The following DPYSL5 variants were observed in gnomAD, a reference collection of about 807,000 sequenced individuals.
DPYSL5 encodes the protein dihydropyrimidinase-related protein 5.
Under a neutral mutation model 58.4 loss-of-function variants are expected in DPYSL5, and 9 were observed. That is an observed-to-expected ratio of 0.15 (90% CI 0.09 to 0.27). The LOEUF (loss-of-function observed/expected upper bound fraction) is 0.27, where lower values mean the gene tolerates loss of function less well. Ranked by LOEUF, DPYSL5 falls within the 10% of genes least tolerant of loss-of-function variation. The pLI is 1.00. For synonymous variants in DPYSL5, 293 were observed against 301.9 expected, an observed-to-expected ratio of 0.97 and a Z score of 0.31; for missense variants, 499 against 770.6, an observed-to-expected ratio of 0.65 and a Z score of 4.17.
At chr2:26,932,278 C>T (rs889018511) in intron 6 of DPYSL5, among the ~76,000 whole-genome samples, 2 of 152,154 alleles carry the variant, frequency 1.3e-5, no homozygotes, top group Non-Finnish European at 2.9e-5. Flanking sequence ...TGGGTGCCAG[C>T]ACCATGTCTT....
At chr2:26,907,838 T>C (rs1036779159) in intron 2 of DPYSL5, among the ~76,000 whole-genome samples, 10 of 152,232 alleles carry the variant, frequency 6.6e-5, no homozygotes, top group African/African-American at 2.2e-4. Flanking sequence ...CTCAACAAGA[T>C]TGAAGACCCT....
chr2:26,869,777 T>C (rs1663208812), intron 1 of DPYSL5, among the ~76,000 whole-genome samples: 1 of 152,166 alleles, frequency 6.6e-6, no homozygotes, highest in Non-Finnish European at 1.5e-5. Context: ...TTTGGGAGGC[T>C]GAGGTGGGCG....
chr2:26,917,712 C>T (rs886116546), intron 2 of DPYSL5, among the ~76,000 whole-genome samples: 2 of 152,188 alleles, frequency 1.3e-5, no homozygotes, highest in Non-Finnish European at 2.9e-5. Flanking sequence ...CTACATCAGG[C>T]CAGCGCAGGT....
chr2:26,914,127 A>G (rs182912444), intron 2 of DPYSL5, among the ~76,000 whole-genome samples: 123 of 152,302 alleles, frequency 8.1e-4, no homozygotes, highest in Admixed American at 5.0e-3. Flanking sequence ...GTATTACAGA[A>G]GAATCTGGGA....
intron 1 of DPYSL5, among the ~76,000 whole-genome samples, chr2:26,857,682 T>C (rs2148107162): frequency 1.3e-5 from 2 of 152,348 alleles, no homozygotes; most frequent in South Asian, 4.1e-4. Flanking sequence ...TTTCCTATAA[T>C]GGCCAGACAG....
At chr2:26,918,820 A>C (rs1334569081) in intron 2 of DPYSL5, among the ~76,000 whole-genome samples, 3 of 152,114 alleles carry the variant, frequency 2.0e-5, no homozygotes, top group African/African-American at 7.2e-5. Flanking sequence ...TCGTATGAAG[A>C]TATGCTCTAG....
chr2:26,909,478 G>A (rs1572701076), intron 2 of DPYSL5, among the ~76,000 whole-genome samples: 1 of 152,032 alleles, frequency 6.6e-6, no homozygotes, highest in Non-Finnish European at 1.5e-5. Flanking sequence ...ATTAAACAAG[G>A]CGGGGCTCAG....
chr2:26,923,090 A>C (rs1664742769), intron 2 of DPYSL5, among the ~76,000 whole-genome samples: 1 of 152,214 alleles, frequency 6.6e-6, no homozygotes. Flanking sequence ...TTTGTGATCA[A>C]GGATTTAACT....
chr2:26,909,169 A>T (rs1445801707), intron 2 of DPYSL5, among the ~76,000 whole-genome samples: 1 of 152,114 alleles, frequency 6.6e-6, no homozygotes, highest in Admixed American at 6.6e-5. Flanking sequence ...TCTCCTTCTG[A>T]TGCTTTTTTG....
chr2:26,881,857 C>T (rs868587070), intron 1 of DPYSL5, among the ~76,000 whole-genome samples: 9 of 151,826 alleles, frequency 5.9e-5, no homozygotes, highest in East Asian at 3.9e-4. Context: ...TTTGGGAGGC[C>T]GAGGCAGGTG....
chr2:26,940,941 A>AT (rs548438479), intron 9 of DPYSL5, among the ~76,000 whole-genome samples: 53,249 of 141,978 alleles, frequency 0.38, 10,678 homozygotes, highest in Admixed American at 0.52. Flanking sequence ...ATTATTATTT[A>AT]TTTTTTTTTG....
chr2:26,945,688 A>T (rs1665459857), intron 12 of DPYSL5, among the ~76,000 whole-genome samples: 2 of 152,214 alleles, frequency 1.3e-5, no homozygotes, highest in South Asian at 2.1e-4. Context: ...AGCTGCCTTC[A>T]GGATAAGCCC....
chr2:26,915,553 C>T (rs1664540860), intron 2 of DPYSL5, among the ~76,000 whole-genome samples: 1 of 152,214 alleles, frequency 6.6e-6, no homozygotes, highest in Non-Finnish European at 1.5e-5. Context: ...AGCCCCTCAG[C>T]TCTTCCAGAG....
intron 1 of DPYSL5, among the ~76,000 whole-genome samples, chr2:26,871,087 G>T (rs1474552710): frequency 2.0e-5 from 3 of 152,192 alleles, no homozygotes; most frequent in Non-Finnish European, 4.4e-5. Flanking sequence ...ATGTTCAGTG[G>T]AGTTCTTGTA....
chr2:26,858,996 C>A (rs369504643), intron 1 of DPYSL5, among the ~76,000 whole-genome samples: 1 of 152,148 alleles, frequency 6.6e-6, no homozygotes, highest in Non-Finnish European at 1.5e-5. Context: ...AAGCCTTTGT[C>A]CATATGTTTA....
Position 26,942,675 on chromosome 2 carries a change from C to T in DPYSL5, c.1365C>T (p.Ala455=), listed in dbSNP as rs1164587515. The T allele has an allele frequency of 3.7e-6, 6 of 1,613,904 alleles. No individual in the cohort carries two copies. Among genetic ancestry groups the T allele is most frequent in the Non-Finnish European group, 1.7e-6 (2 of 1,180,034 alleles). The change falls in exon 11 of 13, where the codon GCC becomes GCT. Residue 455 remains alanine (A), a synonymous_variant. Coordinates refer to ENST00000288699, the MANE Select transcript of DPYSL5 (RefSeq NM_020134.4). The surrounding 1 kb of genome is among the most constrained non-coding windows in gnomAD (Gnocchi z 5.9). ...VVYENGVFMC[A]EGTGKFCPLR... ...ATGAGAACGGCGTCTTCATGTGCGC[C>T]GAGGGCACCGGCAAGTTCTGTCCCC...
rs149642423 is a variant in DPYSL5 at position 26,932,048 on chromosome 2, G to GGAAAGAAA, written c.714+393_714+400dup. ...AAAGAAAGAAAAGAAAAGAAAGAAA[G>GGAAAGAAA]GAAAGAAAGAAAGAAAGAAAGAAAG... On this transcript the variant is annotated intron_variant, in intron 6 of 12. Transcript: ENST00000288699. 7.2e-3 allele frequency among the ~76,000 whole-genome samples: 343 copies of GGAAAGAAA among 47,626 alleles called. 26 individuals are homozygous for GGAAAGAAA. Among genetic ancestry groups the GGAAAGAAA allele is most frequent in the African/African-American group, 0.031 (313 of 9,974 alleles). 31.2% of individuals were successfully genotyped at this position (47,626 alleles called of 152,430 possible).
intron 1 of DPYSL5, among the ~76,000 whole-genome samples, chr2:26,892,757 G>GAGAGAC (rs1491318488): frequency 8.0e-5 from 1 of 12,554 alleles, no homozygotes; most frequent in Admixed American, 8.5e-4. Context: ...GGGTTTGTTT[G>GAGAGAC]AGAGAGAGAG....
intron 1 of DPYSL5, among the ~76,000 whole-genome samples, chr2:26,856,378 T>C (rs180700800): frequency 1.0e-3 from 156 of 152,358 alleles, no homozygotes; most frequent in African/African-American, 3.5e-3. Flanking sequence ...TTTGAATTTT[T>C]ACAAATGGAA....
Sources: gnomAD v4.1 joint callset for allele counts (sites outside exome capture counted in the v4.1 genomes callset) on GRCh38, gnomAD v4.1.1 for gene constraint, Gnocchi (gnomAD v3.1) non-coding constraint, MANE v1.5 for transcripts, NCBI Gene and HGNC (gene_info 2026-07-23, HGNC 2026-07-21) for gene names.